ST6GALNAC3: variants seen among roughly 807,000 people sequenced by gnomAD.
ST6GALNAC3 encodes the protein alpha-N-acetylgalactosaminide alpha-2,6-sialyltransferase 3.
In ST6GALNAC3, 25 loss-of-function variants were observed where a neutral mutation model predicts 32.7. The ratio of observed to expected loss-of-function variants is 0.76; its 90% CI spans 0.56 to 1.07. The LOEUF (loss-of-function observed/expected upper bound fraction) is 1.07. Among genes scored for constraint, ST6GALNAC3 ranks in the 50% least tolerant of loss-of-function variants. The probability of loss-of-function intolerance (pLI) is 0.00; values close to 1 mark genes in which losing one functional copy is unlikely to be tolerated. For synonymous variants in ST6GALNAC3, 129 were observed against 133.1 expected, an observed-to-expected ratio of 0.97 and a Z score of 0.21; for missense variants, 355 against 382.4, an observed-to-expected ratio of 0.93 and a Z score of 0.60.
At chr1:76,459,514 A>C (rs1158655639) in intron 3 of ST6GALNAC3, among the ~76,000 whole-genome samples, 1 of 151,690 alleles carries the variant, frequency 6.6e-6, no homozygotes, top group African/African-American at 2.4e-5. Context: ...CAGTGAGTGG[A>C]GATTGCTCCA....
intron 1 of ST6GALNAC3, among the ~76,000 whole-genome samples, chr1:76,298,618 G>C (rs1660548952): frequency 6.6e-6 from 1 of 152,002 alleles, no homozygotes; most frequent in Non-Finnish European, 1.5e-5. Context: ...AGTGGTGTCT[G>C]GTATCCCTTA....
chr1:76,465,707 C>A (rs1472937311), intron 3 of ST6GALNAC3, among the ~76,000 whole-genome samples: 1 of 151,710 alleles, frequency 6.6e-6, no homozygotes. Context: ...TAGTATTTTT[C>A]ATTTTTTTTT....
chr1:76,084,772 CGTT>C (rs35412027), intron 1 of ST6GALNAC3, among the ~76,000 whole-genome samples: 33,878 of 152,028 alleles, frequency 0.22, 4,009 homozygotes, highest in Middle Eastern at 0.37. Context: ...TGCTCCAACT[CGTT>C]GTCCTAGACC....
At chr1:76,361,396 A>T (rs568332207) in intron 2 of ST6GALNAC3, among the ~76,000 whole-genome samples, 1 of 152,266 alleles carries the variant, frequency 6.6e-6, no homozygotes, top group East Asian at 1.9e-4. Flanking sequence ...ATGTTGTAGC[A>T]TGTGACTTGA....
intron 2 of ST6GALNAC3, among the ~76,000 whole-genome samples, chr1:76,357,528 C>T (rs563356547): frequency 1.3e-5 from 2 of 152,304 alleles, no homozygotes; most frequent in East Asian, 1.9e-4. Context: ...GTTCCAAATT[C>T]TATCCTTCCA....
chr1:76,520,613 A>C (rs1005264940), intron 3 of ST6GALNAC3, among the ~76,000 whole-genome samples: 19 of 151,738 alleles, frequency 1.3e-4, no homozygotes, highest in African/African-American at 4.1e-4. Context: ...CTTACTTTGG[A>C]GGCTCTTTTA....
chr1:76,097,167 C>T (rs905572315), intron 1 of ST6GALNAC3, among the ~76,000 whole-genome samples: 1 of 152,206 alleles, frequency 6.6e-6, no homozygotes, highest in Non-Finnish European at 1.5e-5. Flanking sequence ...GACCCACCCA[C>T]CTTGGCCTCC....
At chr1:76,591,343 A>C (rs1647045488) in intron 3 of ST6GALNAC3, among the ~76,000 whole-genome samples, 1 of 151,978 alleles carries the variant, frequency 6.6e-6, no homozygotes. Flanking sequence ...TTTATCTTTT[A>C]TTTTCAGCTA....
At chr1:76,486,356 T>A (rs1660113235) in intron 3 of ST6GALNAC3, among the ~76,000 whole-genome samples, 1 of 152,096 alleles carries the variant, frequency 6.6e-6, no homozygotes, top group African/African-American at 2.4e-5. Context: ...TGTGTGGGAG[T>A]CTAAGTCTCT....
intron 3 of ST6GALNAC3, among the ~76,000 whole-genome samples, chr1:76,472,859 G>T (rs1365015851): frequency 1.3e-5 from 2 of 152,048 alleles, no homozygotes; most frequent in Non-Finnish European, 2.9e-5. Flanking sequence ...CCAGGAATTA[G>T]GTGAAAGGTG....
chr1:76,300,023 A>T (rs1336675556), intron 1 of ST6GALNAC3, among the ~76,000 whole-genome samples: 1 of 152,006 alleles, frequency 6.6e-6, no homozygotes, highest in Non-Finnish European at 1.5e-5. Context: ...CATGTGCGCT[A>T]ACCTATCAGT....
Position 76,344,318 on chromosome 1 carries a change from T to G in ST6GALNAC3, c.213+30319T>G, listed in dbSNP as rs139558024. On this transcript the variant is annotated intron_variant, in intron 2 of 4. Transcript: ENST00000328299. ...TTACAAAAGGAGATTTTGACTTACC[T>G]AGTCACATGATCTAAAGAAACGCTT... Among the ~76,000 whole-genome samples the G allele has an allele frequency of 6.1e-3, 930 of 152,330 alleles. 4 individuals carry two copies. Among genetic ancestry groups the G allele is most frequent in the African/African-American group, 0.021 (883 of 41,574 alleles).
In ST6GALNAC3 at chr1:76,235,773, C is replaced by T. The variant is rs907726791; in HGVS notation, c.19-78032C>T. 3.4e-5 allele frequency among the ~76,000 whole-genome samples: 5 copies of T among 147,420 alleles called. No homozygotes were observed. The East Asian group carries it at 7.9e-4, about 23-fold the overall frequency. On this transcript the variant is annotated intron_variant, in intron 1 of 4. Coordinates refer to ENST00000328299, the MANE Select transcript of ST6GALNAC3 (RefSeq NM_152996.4). ...ATTCTACAGACTAGGCATCCGAGAT[C>T]GAAGTGTCACAGCACTGTTTTCTTT...
rs1198821671 is a variant in ST6GALNAC3 at position 76,631,473 on chromosome 1, A to G, written c.*2667A>G. On this transcript the variant is annotated 3_prime_UTR_variant, in exon 5 of 5. Coordinates refer to ENST00000328299, the MANE Select transcript of ST6GALNAC3 (RefSeq NM_152996.4). ...GAAAATGCAAAGTCTAATTTCTCCC[A>G]TGTTGAGAATAAATTTTTCATCTAT... 3 of 152,054 alleles carry G rather than the reference A, an allele frequency of 2.0e-5. No homozygotes were observed. Among genetic ancestry groups the G allele is most frequent in the Non-Finnish European group, 4.4e-5 (3 of 67,988 alleles). 9.4% of individuals were successfully genotyped at this position (152,054 alleles called of 1,614,324 possible). A position where few individuals can be genotyped will look rare whatever the true frequency, so the allele number is the denominator to read the frequency against.
chr1:76,589,752 CA>C (rs1283731706), intron 3 of ST6GALNAC3, among the ~76,000 whole-genome samples: 2 of 151,402 alleles, frequency 1.3e-5, no homozygotes, highest in Admixed American at 1.3e-4. Context: ...ATAAGCTTTG[CA>C]AATAGCAAGA....
At chr1:76,538,462 G>T (rs956171388) in intron 3 of ST6GALNAC3, among the ~76,000 whole-genome samples, 5 of 152,148 alleles carry the variant, frequency 3.3e-5, no homozygotes, top group African/African-American at 1.2e-4. Context: ...ACCAGTACAA[G>T]ACAAGGATGC....
intron 2 of ST6GALNAC3, among the ~76,000 whole-genome samples, chr1:76,374,208 A>C (rs1376598538): frequency 6.6e-6 from 1 of 152,206 alleles, no homozygotes; most frequent in Admixed American, 6.5e-5. Flanking sequence ...AAGTCTGCTC[A>C]ATGTGCAGCA....
chr1:76,321,725 A>G (rs1646971047), intron 2 of ST6GALNAC3, among the ~76,000 whole-genome samples: 1 of 152,138 alleles, frequency 6.6e-6, no homozygotes, highest in African/African-American at 2.4e-5. Context: ...TTGCTTAGTA[A>G]ACTAGCTTAT....
rs941274715 is a variant in ST6GALNAC3 at position 76,077,172 on chromosome 1, C to A, written c.18+2288C>A. 5.3e-5 allele frequency among the ~76,000 whole-genome samples: 8 copies of A among 152,086 alleles called. No individual in the cohort carries two copies. In the East Asian group the frequency reaches 1.2e-3, roughly 22 times the overall value. On this transcript the variant is annotated intron_variant, in intron 1 of 4. Transcript: ENST00000328299. The stretch of plus-strand genomic sequence containing the variant: ...ATATGATTTTAGACAGCTGCTGCAA[C>A]CTGGAGCCTCAGTTTTCCCTTGTTG...
Sources: gnomAD v4.1 joint callset for allele counts (sites outside exome capture counted in the v4.1 genomes callset) on GRCh38, gnomAD v4.1.1 for gene constraint, MANE v1.5 for transcripts, NCBI Gene and HGNC (gene_info 2026-07-23, HGNC 2026-07-21) for gene names.